Variants in NDUFAB1 observed in about 807,000 individuals in gnomAD.
NDUFAB1 encodes acyl carrier protein, mitochondrial.
In NDUFAB1, 5 loss-of-function variants were observed where a neutral mutation model predicts 16.1. The observed-to-expected ratio is 0.31, with a 90% CI of 0.16 to 0.65. The LOEUF is 0.65. Ranked by LOEUF, NDUFAB1 falls within the 30% of genes least tolerant of loss-of-function variation. The pLI, the probability that NDUFAB1 is intolerant of heterozygous loss-of-function variation, is 0.77. For synonymous variants in NDUFAB1, 85 were observed against 78.4 expected, an observed-to-expected ratio of 1.08 and a Z score of -0.44; for missense variants, 187 against 205.3, an observed-to-expected ratio of 0.91 and a Z score of 0.54.
chr16:23,587,054 G>A (rs1311285617), intron 2 of NDUFAB1, 143 bp downstream of exon 2: 1 of 708,718 alleles, frequency 1.4e-6, no homozygotes, highest in African/African-American at 1.8e-5. Flanking sequence ...ACATGAAACT[G>A]GTAGCGCTGG....
At chr16:23,593,891 T>C (rs903570100) in intron 1 of NDUFAB1, among the ~76,000 whole-genome samples, 2 of 146,754 alleles carry the variant, frequency 1.4e-5, no homozygotes, top group African/African-American at 5.1e-5. Flanking sequence ...TTTATTTATT[T>C]ATTTATTGAG....
chr16:23,593,655 C>A (rs1265074173), intron 1 of NDUFAB1, among the ~76,000 whole-genome samples: 2 of 152,178 alleles, frequency 1.3e-5, no homozygotes, highest in Non-Finnish European at 2.9e-5. Context: ...TGGAAGCCCA[C>A]TGGAGGTGGA....
At chr16:23,595,225 C>T (rs1966313889) in intron 1 of NDUFAB1, among the ~76,000 whole-genome samples, 1 of 152,050 alleles carries the variant, frequency 6.6e-6, no homozygotes, top group South Asian at 2.1e-4. Flanking sequence ...GCTGAGATCA[C>T]GCCACTGCAT....
In NDUFAB1 at chr16:23,582,265, A is replaced by G; in HGVS notation, c.*8+11T>C. On this transcript the variant is annotated intron_variant, in intron 4 of 4. Coordinates refer to ENST00000007516, the MANE Select transcript of NDUFAB1 (RefSeq NM_005003.3). ...ATCTATGGGTGAACATCATTTTTTA[A>G]GTCTATTTACCTGATACTTTATTCA... 1.4e-6 allele frequency: 2 copies of G among 1,464,158 alleles called. No homozygotes were observed. Among genetic ancestry groups the G allele is most frequent in the Non-Finnish European group, 1.8e-6 (2 of 1,105,828 alleles). 90.7% of individuals were successfully genotyped at this position (1,464,158 alleles called of 1,614,324 possible). A position where few individuals can be genotyped will look rare whatever the true frequency, so the allele number is the denominator to read the frequency against.
At chr16:23,589,197 G>A (rs374777090) in intron 1 of NDUFAB1, among the ~76,000 whole-genome samples, 1 of 151,796 alleles carries the variant, frequency 6.6e-6, no homozygotes, top group Non-Finnish European at 1.5e-5. Context: ...TCAGGAGGCT[G>A]AAGCAGAAGA....
chr16:23,595,384 T>C (rs1461123105), intron 1 of NDUFAB1: 1 of 361,950 alleles, frequency 2.8e-6, no homozygotes, highest in Non-Finnish European at 5.4e-6. Context: ...TTTGCGCAGA[T>C]TGGTTCCAGG....
intron 3 of NDUFAB1, among the ~76,000 whole-genome samples, chr16:23,582,660 T>C (rs1392545660): frequency 1.5e-5 from 2 of 134,296 alleles, no homozygotes; most frequent in Admixed American, 1.4e-4. Flanking sequence ...GTTTTTAGTA[T>C]ATTCACATTG....
rs1966224330 is a variant in NDUFAB1 at position 23,585,438 on chromosome 16, C to T, written c.292-15G>A. The T allele has an allele frequency of 1.3e-6, 2 of 1,594,124 alleles. No homozygotes were observed. Among genetic ancestry groups the T allele is most frequent in the Non-Finnish European group, 1.7e-6 (2 of 1,161,878 alleles). On this transcript the variant is annotated splice_polypyrimidine_tract_variant and intron_variant, in intron 2 of 4. Coordinates refer to ENST00000007516, the MANE Select transcript of NDUFAB1 (RefSeq NM_005003.3). ...TTTACTGAAAGCTGCAAGAAAGGAG[C>T]ACCAAACACAAAATTTAGTCCATGA...
intron 3 of NDUFAB1, among the ~76,000 whole-genome samples, chr16:23,584,254 TTA>T (rs1491252059): frequency 0.074 from 897 of 12,114 alleles, 65 homozygotes; most frequent in African/African-American, 0.15. Flanking sequence ...GAATGATCAA[TTA>T]AAAAAAAAAA....
At chr16:23,581,547 A>T (rs1315115532) in intron 4 of NDUFAB1, among the ~76,000 whole-genome samples, 2 of 127,608 alleles carry the variant, frequency 1.6e-5, no homozygotes, top group Non-Finnish European at 3.3e-5. Context: ...TTCCATCTTT[A>T]AAAAAAAAAA....
At chr16:23,594,648 G>A (rs933050324) in intron 1 of NDUFAB1, among the ~76,000 whole-genome samples, 6 of 152,006 alleles carry the variant, frequency 3.9e-5, no homozygotes, top group South Asian at 4.2e-4. Context: ...CACCGCGCCC[G>A]GCCTAATTTC....
intron 3 of NDUFAB1, among the ~76,000 whole-genome samples, chr16:23,584,712 A>T (rs1296626874): frequency 6.6e-6 from 1 of 152,212 alleles, no homozygotes. Flanking sequence ...ACTCTTAAGC[A>T]CTAGGCAAAG....
chr16:23,589,292 G>A (rs1480934501), intron 1 of NDUFAB1, among the ~76,000 whole-genome samples: 3 of 146,814 alleles, frequency 2.0e-5, no homozygotes, highest in Non-Finnish European at 3.0e-5. Flanking sequence ...GTGAGATTCC[G>A]TCTCAAGAAA....
chr16:23,589,249 TCATGCCATTTA>T (rs978065455), intron 1 of NDUFAB1, among the ~76,000 whole-genome samples: 1 of 148,692 alleles, frequency 6.7e-6, no homozygotes, highest in African/African-American at 2.5e-5. Context: ...TGAGCCAAGA[TCATGCCATTTA>T]CACTCCAGCA....
intron 1 of NDUFAB1, among the ~76,000 whole-genome samples, chr16:23,590,612 C>T (rs1966271197): frequency 6.6e-6 from 1 of 151,140 alleles, no homozygotes; most frequent in African/African-American, 2.4e-5. Context: ...GATCCTACTA[C>T]CCTCTCATGC....
At chr16:23,595,797 C>T (rs1450919601) in intron 1 of NDUFAB1, among the ~76,000 whole-genome samples, 1 of 152,240 alleles carries the variant, frequency 6.6e-6, no homozygotes, top group Non-Finnish European at 1.5e-5. Flanking sequence ...CTCATCTAAT[C>T]CTCATTGCTA....
At chr16:23,595,071 T>C (rs1340216256) in intron 1 of NDUFAB1, among the ~76,000 whole-genome samples, 3 of 151,846 alleles carry the variant, frequency 2.0e-5, no homozygotes, top group Admixed American at 1.3e-4. Context: ...GCCAATATGA[T>C]GAAACCCCGT....
chr16:23,582,753 G>A (rs1177310461), intron 3 of NDUFAB1, among the ~76,000 whole-genome samples: 4 of 142,154 alleles, frequency 2.8e-5, no homozygotes, highest in Non-Finnish European at 4.7e-5. Flanking sequence ...CTCTTCCCAC[G>A]GTCTCCCTCT....
chr16:23,591,804 A>G (rs367983), intron 1 of NDUFAB1, among the ~76,000 whole-genome samples: 18,268 of 152,130 alleles, frequency 0.12, 1,259 homozygotes, highest in African/African-American at 0.19. Context: ...TCACTGAGAG[A>G]TTGGTCAAGT....
Sources: allele counts gnomAD v4.1 joint callset (sites outside exome capture counted in the v4.1 genomes callset), GRCh38; gene constraint gnomAD v4.1.1; transcripts MANE v1.5; gene names NCBI Gene and HGNC (gene_info 2026-07-23, HGNC 2026-07-21).